Variants in CCDC149 observed in about 807,000 individuals in gnomAD.
CCDC149 encodes coiled-coil domain containing 149.
In CCDC149, 45 loss-of-function variants were observed where a neutral mutation model predicts 59.9. The observed-to-expected ratio is 0.75, with a 90% confidence interval of 0.59 to 0.96. CCDC149 has a LOEUF of 0.96. Ranked by LOEUF, CCDC149 falls within the 40% of genes least tolerant of loss-of-function variation. CCDC149 has a pLI of 0.00. For synonymous variants in CCDC149, 245 were observed against 260.6 expected (o/e 0.94, Z 0.58); for missense variants, 584 against 664.7 (o/e 0.88, Z 1.33).
At position 24,956,562 on chromosome 4, in the gene CCDC149, C is replaced by T. The variant is rs144786040; in HGVS notation, c.-65+23507G>A. Among the ~76,000 whole-genome samples the T allele has an allele frequency of 1.8e-3, 277 of 152,120 alleles. 2 individuals carry two copies. Among genetic ancestry groups the T allele is most frequent in the Non-Finnish European group, 2.5e-3 (173 of 67,996 alleles). On this transcript the variant is annotated intron_variant, in intron 1 of 12. Coordinates refer to the CCDC149 transcript ENST00000389609. The stretch of plus-strand genomic sequence containing the variant: ...CTGGGGCCCTCCATGCCTATTATAT[C>T]GATGATATCATAGCAATTGGGCCCA...
intron 10 of CCDC149, among the ~76,000 whole-genome samples, chr4:24,821,377 C>G (rs989320418): frequency 3.3e-5 from 5 of 152,176 alleles, no homozygotes; most frequent in African/African-American, 1.2e-4. Context: ...AAAGAAAGGC[C>G]TTCCTAGAAG....
At chr4:24,905,618 T>A (rs1277581905) in intron 1 of CCDC149, among the ~76,000 whole-genome samples, 1 of 152,154 alleles carries the variant, frequency 6.6e-6, no homozygotes, top group East Asian at 1.9e-4. Flanking sequence ...GTATTTTTAG[T>A]AGAGACTGGG....
At position 24,810,580 on chromosome 4, in the gene CCDC149, C is replaced by T. The variant is rs147061284; in HGVS notation, c.1193-1761G>A. On this transcript the variant is annotated intron_variant, in intron 12 of 12. Transcript: ENST00000635206. Reference sequence around the variant, plus strand: ...TCCAGGAATCTTACTGTGCTGGTTCCTTTCGCTTCCCATGATGTTTGTGAG... The same window carrying T: ...TCCAGGAATCTTACTGTGCTGGTTCTTTTCGCTTCCCATGATGTTTGTGAG... Among the ~76,000 whole-genome samples the T allele has an allele frequency of 3.7e-3, 557 of 152,284 alleles. 1 individual carries two copies. Among genetic ancestry groups the T allele is most frequent in the African/African-American group, 0.013 (529 of 41,550 alleles).
intron 8 of CCDC149, 32 bp downstream of exon 8, chr4:24,834,916 T>G (rs564824028): frequency 6.5e-7 from 1 of 1,528,820 alleles, no homozygotes; most frequent in Non-Finnish European, 9.0e-7. Context: ...TTTACGCTCA[T>G]GAGCGGTCTC....
intron 1 of CCDC149, among the ~76,000 whole-genome samples, chr4:24,972,070 T>C (rs1723985373): frequency 6.6e-6 from 1 of 152,180 alleles, no homozygotes; most frequent in Admixed American, 6.5e-5. Context: ...CCCTAAAATA[T>C]ATAAAACCAA....
At chr4:24,835,538 T>C (rs1716461122) in intron 7 of CCDC149, among the ~76,000 whole-genome samples, 2 of 152,238 alleles carry the variant, frequency 1.3e-5, no homozygotes, top group South Asian at 4.1e-4. Context: ...AAAATTGATA[T>C]GTAGCATCTA....
chr4:24,927,781 C>T (rs773146814), intron 1 of CCDC149, among the ~76,000 whole-genome samples: 20 of 152,158 alleles, frequency 1.3e-4, no homozygotes, highest in Admixed American at 6.5e-5. Flanking sequence ...CACACACACA[C>T]ACATACATTC....
At chr4:24,933,889 T>C (rs1221783787) in intron 1 of CCDC149, among the ~76,000 whole-genome samples, 2 of 152,212 alleles carry the variant, frequency 1.3e-5, no homozygotes, top group African/African-American at 4.8e-5. Flanking sequence ...TTCTGCTCCA[T>C]GTGACACCAG....
At chr4:24,917,626 G>T (rs1197380730), upstream of CCDC149, among the ~76,000 whole-genome samples, 1 of 152,152 alleles carries the variant, frequency 6.6e-6, no homozygotes, top group African/African-American at 2.4e-5. Flanking sequence ...TAAAGATAAA[G>T]AACCATGGGA....
Position 24,912,859 on chromosome 4 carries a change from G to C in CCDC149, c.21C>G (p.Asn7Lys). Residue 7 changes from asparagine (N) to lysine (K), a missense_variant, in exon 1 of 13, where the codon AAC becomes AAG. Asn to Lys is a moderately conservative substitution (Grantham distance 94, BLOSUM62 0). Transcript: ENST00000635206. Reference sequence around the variant, plus strand: ...GCCAGTCGCTCTCAGTCCGGTCGCCGTTCATGGCCTCCTCCTCCATGCGCT... The same window carrying C: ...GCCAGTCGCTCTCAGTCCGGTCGCCCTTCATGGCCTCCTCCTCCATGCGCT... 1.5e-6 allele frequency: 2 copies of C among 1,377,280 alleles called. No individual in the cohort carries two copies. The highest frequency in any genetic ancestry group is 1.9e-6 in the Non-Finnish European group (2 of 1,050,814). 85.3% of individuals were successfully genotyped at this position (1,377,280 alleles called of 1,614,324 possible).
chr4:24,901,300 G>T (rs377535233), intron 1 of CCDC149, among the ~76,000 whole-genome samples: 16 of 139,870 alleles, frequency 1.1e-4, no homozygotes, highest in African/African-American at 3.4e-4. Flanking sequence ...CAACTTCTCT[G>T]CCAGGAGGTA....
At chr4:24,813,507 T>TATATATATAC (rs1714790701) in intron 12 of CCDC149, among the ~76,000 whole-genome samples, 3 of 142,994 alleles carry the variant, frequency 2.1e-5, no homozygotes, top group African/African-American at 7.8e-5. Context: ...TATATATATA[T>TATATATATAC]ATATATATAT....
Position 24,831,649 on chromosome 4 carries a change from A to C in CCDC149, c.822T>G (p.Val274=), listed in dbSNP as rs780613317. ...CATGATCCTCAGATAGCAGATCCTG[A>C]ACTAGATAGGATACAAAATGTATAA... The change falls in exon 9 of 13, where the codon GTT becomes GTG. Residue 274 remains valine, a splice_region_variant and synonymous_variant. Transcript: ENST00000635206. The C allele has an allele frequency of 5.6e-6, 9 of 1,613,508 alleles. 1 individual carries two copies. In the South Asian group the frequency reaches 9.9e-5, roughly 18 times the overall value.
At chr4:24,953,619 G>C (rs1723378860) in intron 1 of CCDC149, among the ~76,000 whole-genome samples, 1 of 152,152 alleles carries the variant, frequency 6.6e-6, no homozygotes, top group South Asian at 2.1e-4. Flanking sequence ...ATATACAAAT[G>C]TCTAGTTTTC....
chr4:24,925,436 T>A (rs959408317), intron 1 of CCDC149, among the ~76,000 whole-genome samples: 1 of 152,220 alleles, frequency 6.6e-6, no homozygotes, highest in Non-Finnish European at 1.5e-5. Flanking sequence ...ATTCTTTTCA[T>A]CTCGTACTGT....
chr4:24,942,689 T>A (rs1722986377), intron 1 of CCDC149, among the ~76,000 whole-genome samples: 1 of 152,326 alleles, frequency 6.6e-6, no homozygotes, highest in Admixed American at 6.5e-5. Flanking sequence ...GATAAGCAAC[T>A]TCAGCAAAGG....
Position 24,851,759 on chromosome 4 carries a change from T to C in CCDC149, c.372+1313A>G, listed in dbSNP as rs76459905. Among the ~76,000 whole-genome samples, 1,446 of 152,248 alleles carry C rather than the reference T, an allele frequency of 9.5e-3. 9 individuals are homozygous for C. The highest frequency in any genetic ancestry group is 0.011 in the Non-Finnish European group (751 of 68,016). ...TCTAGAAAATCTTGCCCTCCTGCTA[T>C]CACTTGAGGAAGTGAGTAAGAAGGT... On this transcript the variant is annotated intron_variant, in intron 4 of 12. Transcript: ENST00000635206.
chr4:24,827,346 C>T (rs976488638), intron 9 of CCDC149: 1 of 152,338 alleles, frequency 6.6e-6, no homozygotes, highest in African/African-American at 2.4e-5. Context: ...CTGATCCATA[C>T]ACCCTCTTGC....
rs1265943044 is a variant in CCDC149, at chr4:24,876,714, T to C, written c.64-17A>G. 7 of 1,594,826 alleles carry C rather than the reference T, an allele frequency of 4.4e-6. No individual in the cohort carries two copies. The highest frequency in any genetic ancestry group is 6.0e-6 in the Non-Finnish European group (7 of 1,169,860). On this transcript the variant is annotated splice_polypyrimidine_tract_variant and intron_variant, in intron 1 of 12. Coordinates refer to ENST00000635206, the MANE Select transcript of CCDC149 (RefSeq NM_001330643.2). The stretch of plus-strand genomic sequence containing the variant: ...CACCAGGTACTGCAAAGCAAACAAA[T>C]CCAGGCAATGGGTCAAAAACATCCA...
Sources: gnomAD v4.1 joint callset for allele counts (sites outside exome capture counted in the v4.1 genomes callset) on GRCh38, gnomAD v4.1.1 for gene constraint, MANE v1.5 for transcripts, NCBI Gene and HGNC (gene_info 2026-07-23, HGNC 2026-07-21) for gene names.